RERE: variants seen among roughly 807,000 people sequenced by gnomAD.
The protein encoded by RERE is arginine-glutamic acid dipeptide repeats protein.
A neutral mutation model predicts 146.1 loss-of-function variants in RERE; 40 were observed. The observed-to-expected ratio is 0.27, with a 90% CI of 0.21 to 0.36. The LOEUF (loss-of-function observed/expected upper bound fraction) is 0.36. Ranked by LOEUF, RERE falls within the 10% of genes least tolerant of loss-of-function variation. The pLI, the probability that RERE is intolerant of heterozygous loss-of-function variation, is 1.00. For missense variants in RERE, 1,933 were observed against 2,138.7 expected, an observed-to-expected ratio of 0.90 and a Z score of 1.90; for synonymous variants, 1,003 against 866.0, an observed-to-expected ratio of 1.16 and a Z score of -2.78.
intron 4 of RERE, among the ~76,000 whole-genome samples, chr1:8,577,208 A>T (rs1454900898): frequency 6.6e-6 from 1 of 151,870 alleles, no homozygotes; most frequent in Non-Finnish European, 1.5e-5. Flanking sequence ...TGACTTTTGA[A>T]TTTTTTTGTT....
chr1:8,805,432 T>G (rs569686523), intron 1 of RERE, among the ~76,000 whole-genome samples: 10 of 152,130 alleles, frequency 6.6e-5, no homozygotes, highest in African/African-American at 2.4e-4. Flanking sequence ...GTGGATCACT[T>G]GAGGTGAGGA....
chr1:8,498,942 G>A (rs920905616), intron 8 of RERE, among the ~76,000 whole-genome samples: 19 of 151,958 alleles, frequency 1.3e-4, no homozygotes, highest in African/African-American at 4.1e-4. Flanking sequence ...CGAACAATTC[G>A]CTGTACATAG....
intron 1 of RERE, among the ~76,000 whole-genome samples, chr1:8,769,225 A>G (rs1640901264): frequency 6.6e-6 from 1 of 152,200 alleles, no homozygotes. Flanking sequence ...CTGCTGCTGT[A>G]TTTTATTATT....
chr1:8,432,610 T>A (rs1157141791), intron 11 of RERE, among the ~76,000 whole-genome samples: 2 of 152,224 alleles, frequency 1.3e-5, no homozygotes, highest in Non-Finnish European at 2.9e-5. Context: ...GGTCTATAGA[T>A]CTTCCACCAA....
chr1:8,732,673 T>G (rs1427157769), intron 1 of RERE, among the ~76,000 whole-genome samples: 1 of 152,120 alleles, frequency 6.6e-6, no homozygotes. Flanking sequence ...AATAATATAT[T>G]AATACTGCTT....
intron 2 of RERE, among the ~76,000 whole-genome samples, chr1:8,649,417 T>A (rs1647489751): frequency 6.6e-6 from 1 of 152,116 alleles, no homozygotes; most frequent in Non-Finnish European, 1.5e-5. Flanking sequence ...TTTCTAGAAA[T>A]TTCTTTATTC....
chr1:8,676,552 T>C (rs1347648304), intron 1 of RERE, among the ~76,000 whole-genome samples: 1 of 151,930 alleles, frequency 6.6e-6, no homozygotes, highest in Non-Finnish European at 1.5e-5. Context: ...GTTCATAAAC[T>C]AAACTACCAA....
chr1:8,792,022 G>A (rs1454012100), intron 1 of RERE, among the ~76,000 whole-genome samples: 1 of 151,948 alleles, frequency 6.6e-6, no homozygotes, highest in Non-Finnish European at 1.5e-5. Flanking sequence ...GAGCCCAGGA[G>A]GTCAAGGCTG....
In RERE at chr1:8,525,809, T is replaced by C. The variant is rs751716711; in HGVS notation, c.830+15405A>G. The C allele has an allele frequency of 1.0e-5, 16 of 1,579,630 alleles. No individual in the cohort carries two copies. In the South Asian group the frequency reaches 1.9e-4, roughly 18 times the overall value. ...TGACTAACACGGGCTCTGGTGAGTC[T>C]AGCTGGATTCCTGAACCTTTACTTT... On this transcript the variant is annotated intron_variant, in intron 7 of 22. Transcript: ENST00000400908.
chr1:8,515,073 G>A (rs1434980556), intron 7 of RERE, among the ~76,000 whole-genome samples: 6 of 152,180 alleles, frequency 3.9e-5, no homozygotes, highest in South Asian at 2.1e-4. Context: ...TCTATCCTGT[G>A]TTCAAAGCAA....
intron 10 of RERE, among the ~76,000 whole-genome samples, chr1:8,476,978 G>C (rs540880835): frequency 6.6e-6 from 1 of 152,118 alleles, no homozygotes; most frequent in Non-Finnish European, 1.5e-5. Flanking sequence ...TAAAACCATT[G>C]AATTAAGCCA....
intron 6 of RERE, among the ~76,000 whole-genome samples, chr1:8,541,688 T>C (rs1174270835): frequency 6.6e-6 from 1 of 152,174 alleles, no homozygotes; most frequent in Admixed American, 6.5e-5. Context: ...AAATGAGCCT[T>C]TCTTCCTACT....
At chr1:8,781,695 G>A (rs115286749) in intron 1 of RERE, among the ~76,000 whole-genome samples, 102 of 150,474 alleles carry the variant, frequency 6.8e-4, no homozygotes, top group African/African-American at 2.3e-3. Context: ...CATCTAGAAT[G>A]CCTGGGTAAA....
intron 2 of RERE, among the ~76,000 whole-genome samples, chr1:8,651,389 G>A (rs78098121): frequency 0.015 from 2,310 of 152,220 alleles, 61 homozygotes; most frequent in African/African-American, 0.053. Flanking sequence ...CAGTCTGAGC[G>A]ACAGAGTGAG....
intron 2 of RERE, 53 bp downstream of exon 2, chr1:8,655,920 A>G: frequency 1.3e-6 from 2 of 1,576,302 alleles, no homozygotes; most frequent in Non-Finnish European, 1.7e-6. Flanking sequence ...CATAATGCCA[A>G]GATCATTCCC....
At chr1:8,781,924 A>C (rs1285305062) in intron 1 of RERE, among the ~76,000 whole-genome samples, 8 of 152,162 alleles carry the variant, frequency 5.3e-5, no homozygotes, top group Admixed American at 5.2e-4. Context: ...GCAGGTTCAC[A>C]GAGGGATTTG....
chr1:8,396,133 A>T (rs1417483799), intron 12 of RERE, among the ~76,000 whole-genome samples: 1 of 152,192 alleles, frequency 6.6e-6, no homozygotes, highest in Non-Finnish European at 1.5e-5. Context: ...CTGAGCAGAG[A>T]TCATCTCTTG....
rs1425445086 is a variant in RERE at position 8,361,496 on chromosome 1, G to A, written c.2017-6C>T. 1.2e-6 allele frequency: 2 copies of A among 1,608,760 alleles called. No homozygotes were observed. Among genetic ancestry groups the A allele is most frequent in the Non-Finnish European group, 1.7e-6 (2 of 1,179,964 alleles). ...GAGTTGGGCCTGCTGATCTCCTGGA[G>A]TCAGAGAAGGGAAGGATGGAAGTCC... On this transcript the variant is annotated splice_polypyrimidine_tract_variant and splice_region_variant and intron_variant, in intron 17 of 22. Transcript: ENST00000400908.
At chr1:8,663,999 A>G (rs568152490) in intron 1 of RERE, among the ~76,000 whole-genome samples, 2 of 151,974 alleles carry the variant, frequency 1.3e-5, no homozygotes, top group African/African-American at 2.4e-5. Context: ...TTGCCCCCCA[A>G]TCCTGCCTGT....
Sources: allele counts gnomAD v4.1 joint callset (sites outside exome capture counted in the v4.1 genomes callset), GRCh38; gene constraint gnomAD v4.1.1; transcripts MANE v1.5; gene names NCBI Gene and HGNC (gene_info 2026-07-23, HGNC 2026-07-21).